The following NCKAP1 variants were observed in gnomAD, a reference collection of about 807,000 sequenced individuals.
NCKAP1 encodes nck-associated protein 1.
A neutral mutation model predicts 151.2 loss-of-function variants in NCKAP1; 21 were observed. The observed-to-expected ratio is 0.14, with a 90% confidence interval of 0.10 to 0.20. NCKAP1 has a LOEUF of 0.20. NCKAP1 is among the 10% of genes least tolerant of loss of function. The pLI is 1.00. For synonymous variants in NCKAP1, 484 were observed against 451.8 expected (o/e 1.07, Z -0.90); for missense variants, 933 against 1,352.1 (o/e 0.69, Z 4.86).
chr2:183,009,475 G>GAAGGAAGGTAGCAAGC lies in NCKAP1; in HGVS notation c.220-6151_220-6150insGCTTGCTACCTTCCTT, dbSNP rs1485338665. Among the ~76,000 whole-genome samples the GAAGGAAGGTAGCAAGC allele has an allele frequency of 7.5e-3, 752 of 100,290 alleles. 13 individuals carry two copies. Among genetic ancestry groups the GAAGGAAGGTAGCAAGC allele is most frequent in the Middle Eastern group, 0.027 (5 of 184 alleles). The allele number at this position is 100,290 out of a possible 152,430, so 65.8% of individuals were successfully genotyped here. On this transcript the variant is annotated intron_variant, in intron 2 of 30. Transcript: ENST00000361354. ...GGAAGGAAGGAAGGAAGGAAGGAAG[G>GAAGGAAGGTAGCAAGC]AAGCAAGCAAGCAAGCAGGCAAGCA...
At position 182,914,789 on chromosome 2, in the gene NCKAP1, T is replaced by C. The variant is rs1696441980; in HGVS notation, c.*10913A>G. On this transcript the variant is annotated 3_prime_UTR_variant, in exon 31 of 31. Transcript: ENST00000361354. The stretch of plus-strand genomic sequence containing the variant: ...TGATGGCTAGACCGACACTGCAGAG[T>C]TCCATTGGTAGAGATGCGCTTTGTG... The C allele has an allele frequency of 2.0e-5, 3 of 152,174 alleles. No homozygotes were observed. The highest frequency in any genetic ancestry group is 1.3e-4 in the Admixed American group (2 of 15,264). 9.4% of individuals were successfully genotyped at this position (152,174 alleles called of 1,614,324 possible).
At chr2:183,002,324 A>C in intron 4 of NCKAP1, 55 bp from the exon 5 acceptor site, 1 of 1,234,820 alleles carries the variant, frequency 8.1e-7, no homozygotes, top group Non-Finnish European at 1.1e-6. Context: ...AATTTTAAAC[A>C]CACACAAAAT....
chr2:182,950,702 T>C (rs1158489971), intron 23 of NCKAP1, among the ~76,000 whole-genome samples: 1 of 152,228 alleles, frequency 6.6e-6, no homozygotes, highest in African/African-American at 2.4e-5. Flanking sequence ...ACAGACATTA[T>C]GCTGAGTACC....
rs758257563 is a variant in NCKAP1 at position 183,023,859 on chromosome 2, C to A, written c.166G>T (p.Ala56Ser). 3.7e-6 allele frequency: 6 copies of A among 1,613,340 alleles called. No individual in the cohort carries two copies. The South Asian group carries it at 4.4e-5, about 12-fold the overall frequency. ...SYLIDKNLES[A>S]VKFIVRKFPA... ...AATTTTCTGACTATGAATTTCACAG[C>A]AGATTCCAGGTTTTTGTCGATAAGA... The change falls in exon 2 of 31, where the codon GCT becomes TCT. Residue 56 changes from alanine (A) to serine (S), a missense_variant. Physicochemically the swap from Ala to Ser is moderately conservative, Grantham distance 99. Coordinates refer to ENST00000361354, the MANE Select transcript of NCKAP1 (RefSeq NM_013436.5).
intron 14 of NCKAP1, among the ~76,000 whole-genome samples, chr2:182,977,154 T>C (rs1697840317): frequency 6.6e-6 from 1 of 152,142 alleles, no homozygotes; most frequent in South Asian, 2.1e-4. Context: ...GCAACTTAAA[T>C]TTCCATTGAT....
At chr2:182,988,961 A>G (rs188167545) in intron 9 of NCKAP1, 69 bp downstream of exon 9, 13 of 1,409,752 alleles carry the variant, frequency 9.2e-6, no homozygotes, top group Non-Finnish European at 2.9e-6. Flanking sequence ...TTTATCCCCA[A>G]AACTTCAGTA....
In NCKAP1 at chr2:182,923,746, A is replaced by T. The variant is rs1358597293; in HGVS notation, c.*1956T>A. On this transcript the variant is annotated 3_prime_UTR_variant, in exon 31 of 31. Coordinates refer to ENST00000361354, the MANE Select transcript of NCKAP1 (RefSeq NM_013436.5). ...TGTTGTGTAAGTTTAGAAGAAAATAAAACAAACAAGATATTAAAAATAGTA... is the reference window on the plus strand; with the variant it reads ...TGTTGTGTAAGTTTAGAAGAAAATATAACAAACAAGATATTAAAAATAGTA... 1 of 152,218 alleles carries T rather than the reference A, an allele frequency of 6.6e-6. No homozygotes were observed. Among genetic ancestry groups the T allele is most frequent in the Non-Finnish European group, 1.5e-5 (1 of 68,032 alleles). 9.4% of individuals were successfully genotyped at this position (152,218 alleles called of 1,614,324 possible).
intron 4 of NCKAP1, 122 bp downstream of exon 4, chr2:183,002,852 C>T (rs1698399729): frequency 1.4e-5 from 9 of 636,510 alleles, no homozygotes; most frequent in Non-Finnish European, 2.4e-5. Flanking sequence ...ATAAAACAAG[C>T]CAAATTAATA....
intron 1 of NCKAP1, among the ~76,000 whole-genome samples, chr2:183,029,231 AACT>A (rs1698958753): frequency 6.6e-6 from 1 of 152,164 alleles, no homozygotes; most frequent in Non-Finnish European, 1.5e-5. Context: ...TGTTTCAGAA[AACT>A]ACACAATATA....
chr2:183,015,801 C>G (rs187709921), intron 2 of NCKAP1, among the ~76,000 whole-genome samples: 1 of 140,940 alleles, frequency 7.1e-6, no homozygotes, highest in Non-Finnish European at 1.5e-5. Flanking sequence ...AATTACAGAA[C>G]CAAAAAAAAA....
intron 27 of NCKAP1, among the ~76,000 whole-genome samples, chr2:182,929,465 G>A (rs1696715256): frequency 6.6e-6 from 1 of 151,872 alleles, no homozygotes; most frequent in Non-Finnish European, 1.5e-5. Flanking sequence ...GAAGACAGAA[G>A]AAGACAGAAG....
intron 13 of NCKAP1, among the ~76,000 whole-genome samples, chr2:182,979,439 TAA>T (rs1034144517): frequency 1.3e-5 from 2 of 152,106 alleles, no homozygotes; most frequent in Admixed American, 1.3e-4. Flanking sequence ...CAATCTAGCT[TAA>T]AAAATGAATA....
At chr2:183,030,079 T>C (rs1239483343) in intron 1 of NCKAP1, among the ~76,000 whole-genome samples, 1 of 152,152 alleles carries the variant, frequency 6.6e-6, no homozygotes, top group African/African-American at 2.4e-5. Flanking sequence ...TATCTAAAAA[T>C]ATATGTCCCC....
intron 2 of NCKAP1, among the ~76,000 whole-genome samples, chr2:183,021,174 A>G (rs780925433): frequency 6.6e-6 from 1 of 152,248 alleles, no homozygotes; most frequent in Non-Finnish European, 1.5e-5. Flanking sequence ...TATCCATACA[A>G]AAACTTTCAC....
intron 24 of NCKAP1, 42 bp downstream of exon 24, chr2:182,942,028 A>G (rs763776748): frequency 6.7e-7 from 1 of 1,500,238 alleles, no homozygotes; most frequent in South Asian, 1.2e-5. Flanking sequence ...ACTGAGTATC[A>G]AGATCTTCTT....
intron 1 of NCKAP1, chr2:183,025,058 A>G: frequency 6.6e-7 from 1 of 1,523,236 alleles, no homozygotes; most frequent in South Asian, 1.2e-5. Context: ...TCAAACTATG[A>G]TATACGTTTC....
At chr2:182,963,596 T>C (rs1403214133) in intron 17 of NCKAP1, among the ~76,000 whole-genome samples, 4 of 152,070 alleles carry the variant, frequency 2.6e-5, no homozygotes, top group Non-Finnish European at 5.9e-5. Flanking sequence ...TTAGAGTACA[T>C]ATGAAGAGTA....
chr2:182,994,654 A>G (rs554373378), intron 8 of NCKAP1, among the ~76,000 whole-genome samples, 185 bp downstream of exon 8: 5 of 151,964 alleles, frequency 3.3e-5, no homozygotes, highest in Non-Finnish European at 7.4e-5. Context: ...AAAAAGAAAA[A>G]AAAGAAAAAA....
intron 2 of NCKAP1, among the ~76,000 whole-genome samples, chr2:183,005,957 C>T (rs1322362943): frequency 6.6e-6 from 1 of 152,184 alleles, no homozygotes; most frequent in Non-Finnish European, 1.5e-5. Context: ...GCTAACATCT[C>T]CCTCCTCTAA....
Sources: allele counts gnomAD v4.1 joint callset (sites outside exome capture counted in the v4.1 genomes callset), GRCh38; gene constraint gnomAD v4.1.1; transcripts MANE v1.5; gene names NCBI Gene and HGNC (gene_info 2026-07-23, HGNC 2026-07-21).